Variants in SGCZ observed in about 807,000 individuals in gnomAD.
The protein encoded by SGCZ is zeta-sarcoglycan.
Under a neutral mutation model 41.3 loss-of-function variants are expected in SGCZ, and 40 were observed. The observed-to-expected ratio is 0.97, with a 90% CI of 0.75 to 1.26. SGCZ has a LOEUF of 1.26. Among genes scored for constraint, SGCZ ranks in the 50% most tolerant of loss-of-function variants. SGCZ has a pLI of 0.00. For missense variants in SGCZ, 552 were observed against 369.8 expected, an observed-to-expected ratio of 1.49 and a Z score of -4.04; for synonymous variants, 206 against 137.5, an observed-to-expected ratio of 1.50 and a Z score of -3.49.
intron 1 of SGCZ, among the ~76,000 whole-genome samples, chr8:14,769,331 A>G (rs1469501100): frequency 6.6e-6 from 1 of 152,218 alleles, no homozygotes; most frequent in Non-Finnish European, 1.5e-5. Context: ...ACAATTTATT[A>G]TGGGGGAAAA....
chr8:14,428,366 G>T (rs961115952), intron 2 of SGCZ, among the ~76,000 whole-genome samples: 1 of 152,058 alleles, frequency 6.6e-6, no homozygotes, highest in Admixed American at 6.6e-5. Context: ...CAGACGGGAT[G>T]CAAGGAGTTT....
At chr8:14,995,410 G>A (rs1802180952) in intron 1 of SGCZ, among the ~76,000 whole-genome samples, 1 of 152,182 alleles carries the variant, frequency 6.6e-6, no homozygotes, top group Non-Finnish European at 1.5e-5. Context: ...AATAGGGATG[G>A]GTTCAAGGAG....
chr8:14,285,901 G>A lies in SGCZ; in HGVS notation c.336+38202C>T, dbSNP rs772637561. On this transcript the variant is annotated intron_variant, in intron 3 of 7. Coordinates refer to ENST00000382080, the MANE Select transcript of SGCZ (RefSeq NM_139167.4). ...ATTGCTGACAATTTTATGTAAAAAA[G>A]GAGACATCCTATGATTAGAATACAA... Among the ~76,000 whole-genome samples the A allele has an allele frequency of 5.1e-4, 77 of 152,108 alleles. 1 individual carries two copies. Among genetic ancestry groups the A allele is most frequent in the Non-Finnish European group, 8.5e-4 (58 of 67,932 alleles).
intron 1 of SGCZ, among the ~76,000 whole-genome samples, chr8:14,886,976 T>C (rs1218789399): frequency 6.6e-6 from 1 of 152,024 alleles, no homozygotes; most frequent in East Asian, 1.9e-4. Flanking sequence ...GGTAAGAGAA[T>C]CAAGAGGTCA....
chr8:14,593,116 C>A (rs1056913148), intron 1 of SGCZ, among the ~76,000 whole-genome samples: 1 of 152,082 alleles, frequency 6.6e-6, no homozygotes, highest in African/African-American at 2.4e-5. Context: ...GATTCCAATG[C>A]CTAGAACCTA....
At chr8:14,886,370 T>G (rs1383061895) in intron 1 of SGCZ, among the ~76,000 whole-genome samples, 1 of 151,978 alleles carries the variant, frequency 6.6e-6, no homozygotes, top group Non-Finnish European at 1.5e-5. Flanking sequence ...AACATATGGT[T>G]TATTAGACAG....
chr8:14,357,285 T>A (rs1419926215), intron 2 of SGCZ, among the ~76,000 whole-genome samples: 1 of 152,176 alleles, frequency 6.6e-6, no homozygotes, highest in Non-Finnish European at 1.5e-5. Flanking sequence ...AGTAGCTTCA[T>A]TACTTAGTAG....
In SGCZ at chr8:14,899,785, G is replaced by A. The variant is rs563605817; in HGVS notation, c.39+337800C>T. On this transcript the variant is annotated intron_variant, in intron 1 of 7. Transcript: ENST00000382080. ...AGGAGAGAAGGGAGAAAAGACAGAG[G>A]GAGGAATACAGGAAGGGAGAAAAGT... Among the ~76,000 whole-genome samples, 6 of 152,036 alleles carry A rather than the reference G, an allele frequency of 3.9e-5. No homozygotes were observed. The South Asian group carries it at 1.0e-3, about 26-fold the overall frequency.
At chr8:14,462,665 T>G (rs77021579) in intron 2 of SGCZ, among the ~76,000 whole-genome samples, 1 of 151,970 alleles carries the variant, frequency 6.6e-6, no homozygotes, top group African/African-American at 2.4e-5. Flanking sequence ...CGCTTCCACT[T>G]TGTTCTTCTT....
intron 2 of SGCZ, among the ~76,000 whole-genome samples, chr8:14,378,059 T>C (rs1454715123): frequency 1.3e-5 from 2 of 149,974 alleles, no homozygotes; most frequent in African/African-American, 5.0e-5. Flanking sequence ...ATGGGATGGC[T>C]GGGTCAAATA....
intron 1 of SGCZ, among the ~76,000 whole-genome samples, chr8:14,658,754 T>C (rs1554474677): frequency 6.6e-6 from 1 of 152,142 alleles, no homozygotes; most frequent in Non-Finnish European, 1.5e-5. Flanking sequence ...TTGTTATTCG[T>C]TTAGCTCAGT....
chr8:14,860,997 G>A (rs1051768737), intron 1 of SGCZ, among the ~76,000 whole-genome samples: 2 of 152,166 alleles, frequency 1.3e-5, no homozygotes, highest in Admixed American at 6.6e-5. Flanking sequence ...GCTGTTTCTT[G>A]CCTTCGCGTT....
chr8:14,270,098 G>A (rs913903512), intron 3 of SGCZ, among the ~76,000 whole-genome samples: 5 of 152,032 alleles, frequency 3.3e-5, no homozygotes, highest in Admixed American at 1.3e-4. Context: ...TTGGGAGGCC[G>A]AGGCAAGTGG....
chr8:14,947,412 T>A (rs969901202), intron 1 of SGCZ, among the ~76,000 whole-genome samples: 11 of 152,152 alleles, frequency 7.2e-5, no homozygotes, highest in African/African-American at 2.7e-4. Flanking sequence ...TGTCCCCTTA[T>A]AACTCTTTCT....
intron 1 of SGCZ, among the ~76,000 whole-genome samples, chr8:14,864,918 G>T (rs909799442): frequency 6.6e-6 from 1 of 152,036 alleles, no homozygotes; most frequent in South Asian, 2.1e-4. Flanking sequence ...TTCCTTGATG[G>T]TTGGTGATGT....
At chr8:14,483,005 C>T (rs1052497173) in intron 2 of SGCZ, among the ~76,000 whole-genome samples, 3 of 152,052 alleles carry the variant, frequency 2.0e-5, no homozygotes, top group African/African-American at 7.2e-5. Flanking sequence ...CACACACAAA[C>T]ACATATCCTA....
chr8:14,397,143 G>C (rs1203404232), intron 2 of SGCZ, among the ~76,000 whole-genome samples: 2 of 151,936 alleles, frequency 1.3e-5, no homozygotes, highest in Non-Finnish European at 2.9e-5. Context: ...TCTATAATTG[G>C]AGGTACAAAA....
chr8:14,366,499 G>A (rs1186127667), intron 2 of SGCZ, among the ~76,000 whole-genome samples: 1 of 151,964 alleles, frequency 6.6e-6, no homozygotes, highest in Admixed American at 6.6e-5. Flanking sequence ...AAAAAATTTG[G>A]TGGGGGGGAC....
chr8:14,430,123 G>T (rs1799900652), intron 2 of SGCZ, among the ~76,000 whole-genome samples: 1 of 151,546 alleles, frequency 6.6e-6, no homozygotes, highest in South Asian at 2.1e-4. Context: ...GACATTCAAA[G>T]AATTGATATC....
Sources: gnomAD v4.1 joint callset for allele counts (sites outside exome capture counted in the v4.1 genomes callset) on GRCh38, gnomAD v4.1.1 for gene constraint, MANE v1.5 for transcripts, NCBI Gene and HGNC (gene_info 2026-07-23, HGNC 2026-07-21) for gene names.